Variants in EPCAM observed in about 807,000 individuals in gnomAD.
EPCAM encodes adenocarcinoma-associated antigen.
In EPCAM, 39 loss-of-function variants were observed where a neutral mutation model predicts 40.0. That is an observed-to-expected ratio of 0.98 (90% CI 0.76 to 1.27). The LOEUF is 1.27. Ranked by LOEUF, EPCAM falls within the 50% of genes most tolerant of loss-of-function variation. The probability of loss-of-function intolerance (pLI) is 0.00; values close to 1 mark genes in which losing one functional copy is unlikely to be tolerated. For synonymous variants in EPCAM, 168 were observed against 132.3 expected (o/e 1.27, Z -1.85); for missense variants, 503 against 381.2 (o/e 1.32, Z -2.66).
rs998729019 is a variant in EPCAM at position 47,377,998 on chromosome 2, C to T, written c.555+921C>T. On this transcript the variant is annotated intron_variant, in intron 5 of 8. Transcript: ENST00000263735. Reference sequence around the variant, plus strand: ...CTGTAATCCCAGCACTTTGGGAGGCCGAGGCAGGTGGATCACAAGATCAGG... The same window carrying T: ...CTGTAATCCCAGCACTTTGGGAGGCTGAGGCAGGTGGATCACAAGATCAGG... Among the ~76,000 whole-genome samples the T allele has an allele frequency of 9.9e-5, 15 of 152,004 alleles. No homozygotes were observed. In the East Asian group the frequency reaches 1.8e-3, roughly 18 times the overall value.
Position 47,383,607 on chromosome 2 carries a change from C to CT in EPCAM, c.859-1514dup, listed in dbSNP as rs760722807. Among the ~76,000 whole-genome samples the CT allele has an allele frequency of 9.3e-4, 34 of 36,478 alleles. 14 individuals are homozygous for CT. Among genetic ancestry groups the CT allele is most frequent in the Non-Finnish European group, 1.8e-3 (27 of 15,160 alleles). 23.9% of individuals were successfully genotyped at this position (36,478 alleles called of 152,430 possible). On this transcript the variant is annotated intron_variant, in intron 7 of 8. Coordinates refer to ENST00000263735, the MANE Select transcript of EPCAM (RefSeq NM_002354.3). Reference sequence around the variant, plus strand: ...CATGAGCCACTGTGCCCGGCTTCTTCTTTTTTTTTTTTTTTTTTTTTTTTT... The same window carrying CT: ...CATGAGCCACTGTGCCCGGCTTCTTCTTTTTTTTTTTTTTTTTTTTTTTTTT...
At chr2:47,371,706 G>A (rs1245799455) in intron 1 of EPCAM, among the ~76,000 whole-genome samples, 2 of 152,208 alleles carry the variant, frequency 1.3e-5, no homozygotes, top group African/African-American at 2.4e-5. Flanking sequence ...GGTATGAACA[G>A]TGTGTTTTAA....
At chr2:47,371,057 C>T (rs1671249383) in intron 1 of EPCAM, among the ~76,000 whole-genome samples, 1 of 152,140 alleles carries the variant, frequency 6.6e-6, no homozygotes, top group Non-Finnish European at 1.5e-5. Context: ...GTTGCCCAGG[C>T]TGGTCTCGAA....
intron 7 of EPCAM, among the ~76,000 whole-genome samples, chr2:47,380,819 TGGCTCA>T (rs1325482654): frequency 6.6e-6 from 1 of 152,174 alleles, no homozygotes; most frequent in Non-Finnish European, 1.5e-5. Context: ...CCAGGTGTGA[TGGCTCA>T]GGCCTGTAAT....
chr2:47,375,022 C>T (rs565789923), intron 3 of EPCAM, among the ~76,000 whole-genome samples: 2 of 152,068 alleles, frequency 1.3e-5, no homozygotes, highest in East Asian at 1.9e-4. Flanking sequence ...TGTATTGTGT[C>T]CAGAGAACAG....
At chr2:47,374,215 C>T (rs1217304826) in intron 3 of EPCAM, among the ~76,000 whole-genome samples, 167 bp downstream of exon 3, 1 of 152,104 alleles carries the variant, frequency 6.6e-6, no homozygotes, top group Non-Finnish European at 1.5e-5. Context: ...CATTGGACCT[C>T]CACAGAATTG....
At chr2:47,377,745 A>G (rs188620729) in intron 5 of EPCAM, 1 of 457,756 alleles carries the variant, frequency 2.2e-6, no homozygotes, top group Non-Finnish European at 4.5e-6. Flanking sequence ...GTGCATATTT[A>G]CTTTAGGATG....
intron 6 of EPCAM, among the ~76,000 whole-genome samples, chr2:47,379,340 T>A (rs547017435): frequency 6.6e-6 from 1 of 152,344 alleles, no homozygotes; most frequent in African/African-American, 2.4e-5. Context: ...CTATGATATT[T>A]ATAATTTACA....
chr2:47,384,944 T>C (rs1324012626), intron 7 of EPCAM, among the ~76,000 whole-genome samples: 1 of 152,164 alleles, frequency 6.6e-6, no homozygotes, highest in Admixed American at 6.6e-5. Flanking sequence ...TGACCTCAGA[T>C]GATCTTCCCG....
intron 1 of EPCAM, among the ~76,000 whole-genome samples, chr2:47,371,416 G>A (rs1029483962): frequency 1.4e-4 from 21 of 152,296 alleles, no homozygotes; most frequent in African/African-American, 5.1e-4. Flanking sequence ...ATGAGCCACC[G>A]GTCCGGCATC....
At chr2:47,380,451 C>G (rs1245969240) in intron 7 of EPCAM, among the ~76,000 whole-genome samples, 1 of 152,126 alleles carries the variant, frequency 6.6e-6, no homozygotes, top group African/African-American at 2.4e-5. Flanking sequence ...TTACAAAAGT[C>G]ATTTTATGAA....
intron 7 of EPCAM, among the ~76,000 whole-genome samples, chr2:47,382,299 G>C (rs1358049652): frequency 6.6e-6 from 1 of 152,196 alleles, no homozygotes; most frequent in East Asian, 1.9e-4. Context: ...GAACACAAGT[G>C]GTTAATGCTG....
At chr2:47,371,620 A>T (rs1456969112) in intron 1 of EPCAM, among the ~76,000 whole-genome samples, 2 of 152,200 alleles carry the variant, frequency 1.3e-5, no homozygotes, top group African/African-American at 4.8e-5. Flanking sequence ...ATTGCTTTAA[A>T]GTGGTCATAG....
At chr2:47,382,903 C>G (rs1317861804) in intron 7 of EPCAM, among the ~76,000 whole-genome samples, 1 of 151,818 alleles carries the variant, frequency 6.6e-6, no homozygotes, top group Non-Finnish European at 1.5e-5. Context: ...TTTTAGACCC[C>G]AAAACTTAGA....
At chr2:47,378,869 A>C in intron 5 of EPCAM, 84 bp from the exon 6 acceptor site, 2 of 737,692 alleles carry the variant, frequency 2.7e-6, no homozygotes, top group Non-Finnish European at 4.9e-6. Flanking sequence ...CAAACACTGA[A>C]TATTCTGATT....
chr2:47,369,592 G>A lies in EPCAM; in HGVS notation c.76+11G>A, dbSNP rs879135112. On this transcript the variant is annotated intron_variant, in intron 1 of 8. Coordinates refer to ENST00000263735, the MANE Select transcript of EPCAM (RefSeq NM_002354.3). ...CCGCAGCTCAGGAAGGTGAGGCGCG[G>A]ATTGGAGCAGAGTTGTGGAGCTGGG... is the stretch of plus-strand genomic sequence containing the variant. 6.3e-7 allele frequency: 1 copy of A among 1,585,924 alleles called. No individual in the cohort carries two copies. The highest frequency in any genetic ancestry group is 1.2e-5 in the South Asian group (1 of 86,812).
chr2:47,386,446 C>A, intron 8 of EPCAM, 126 bp from the exon 9 acceptor site: 1 of 699,746 alleles, frequency 1.4e-6, no homozygotes, highest in Non-Finnish European at 2.4e-6. Context: ...TTAAATAAGT[C>A]TTATAAATGT....
intron 1 of EPCAM, among the ~76,000 whole-genome samples, chr2:47,370,791 C>T (rs1458089780): frequency 6.6e-6 from 1 of 152,016 alleles, no homozygotes; most frequent in African/African-American, 2.4e-5. Flanking sequence ...AGTACAACGG[C>T]GCGATCTCAT....
intron 4 of EPCAM, among the ~76,000 whole-genome samples, chr2:47,376,810 T>C (rs974103343): frequency 1.3e-5 from 2 of 152,234 alleles, no homozygotes; most frequent in Admixed American, 6.6e-5. Context: ...GTTCTTTTTC[T>C]AATTAAACTG....
Sources: allele counts gnomAD v4.1 joint callset (sites outside exome capture counted in the v4.1 genomes callset), GRCh38; gene constraint gnomAD v4.1.1; transcripts MANE v1.5; gene names NCBI Gene and HGNC (gene_info 2026-07-23, HGNC 2026-07-21).